Variants in FGF8 observed in about 807,000 individuals in gnomAD.
FGF8 encodes androgen-induced growth factor.
A neutral mutation model predicts 29.7 loss-of-function variants in FGF8; 12 were observed. The ratio of observed to expected loss-of-function variants is 0.40; its 90% CI spans 0.26 to 0.65. The LOEUF (loss-of-function observed/expected upper bound fraction) is 0.65. Among genes scored for constraint, FGF8 ranks in the 30% least tolerant of loss-of-function variants. The pLI, the probability that FGF8 is intolerant of heterozygous loss-of-function variation, is 0.37. For synonymous variants in FGF8, 157 were observed against 144.4 expected, an observed-to-expected ratio of 1.09 and a Z score of -0.63; for missense variants, 271 against 345.1, an observed-to-expected ratio of 0.79 and a Z score of 1.70.
upstream of FGF8, among the ~76,000 whole-genome samples, chr10:101,778,817 G>T (rs951116525): frequency 2.0e-5 from 3 of 152,152 alleles, no homozygotes; most frequent in African/African-American, 7.2e-5. Context: ...TTGCTGGCTC[G>T]CCCGCCTCCC....
Position 101,775,660 on chromosome 10 carries a change from C to G in FGF8, c.69+80G>C. On this transcript the variant is annotated intron_variant, in intron 2 of 5. Coordinates refer to ENST00000320185, the MANE Select transcript of FGF8 (RefSeq NM_033163.5). The surrounding 1 kb of genome is among the most constrained non-coding windows in gnomAD (Gnocchi z 4.6). ...CTCCCGCGCCGGCCGCAGAGTCAGT[C>G]CCGGTGCCCCCGACCGGCGCTGCCC... 1 of 1,488,800 alleles carries G rather than the reference C, an allele frequency of 6.7e-7. No individual in the cohort carries two copies. Among genetic ancestry groups the G allele is most frequent in the Non-Finnish European group, 9.1e-7 (1 of 1,104,950 alleles). 92.2% of individuals were successfully genotyped at this position (1,488,800 alleles called of 1,614,324 possible).
rs1257891978 is a variant in FGF8 at position 101,770,499 on chromosome 10, G to A, written c.565C>T (p.Arg189Cys). 10 of 1,613,544 alleles carry A rather than the reference G, an allele frequency of 6.2e-6. No homozygotes were observed. The highest frequency in any genetic ancestry group is 3.3e-5 in the Admixed American group (2 of 60,006). The change falls in exon 6 of 6, where the codon CGC (arginine) becomes TGC (cysteine). Residue 189 changes from arginine to cysteine, a missense_variant. By Grantham distance (180) the Arg-to-Cys change is radical. Around this residue, in one of 3 missense-constraint regions of FGF8, gnomAD observed 41 missense variants for 80.0 expected, o/e 0.51. Coordinates refer to ENST00000320185, the MANE Select transcript of FGF8 (RefSeq NM_033163.5). ...YMAFTRKGRP[R>C]KGSKTRQHQR... The stretch of plus-strand genomic sequence containing the variant: ...TGCTGCCGCGTCTTGGAGCCCTTGC[G>A]GGGCCGGCCCTTGCGGGTGAAGGCC...
chr10:101,775,711 G>C lies in FGF8; in HGVS notation c.69+29C>G. On this transcript the variant is annotated intron_variant, in intron 2 of 5. Coordinates refer to ENST00000320185, the MANE Select transcript of FGF8 (RefSeq NM_033163.5). This position sits in a 1 kb window ranked among gnomAD's most constrained non-coding sequence, Gnocchi z 4.6. ...ACCCGGGTCTCACACCGGCGCGCCCGGCCCCCGCCTCCGCGCACCCCTCCT... is the reference window on the plus strand; with the variant it reads ...ACCCGGGTCTCACACCGGCGCGCCCCGCCCCCGCCTCCGCGCACCCCTCCT... 6.5e-7 allele frequency: 1 copy of C among 1,541,044 alleles called. No individual in the cohort carries two copies.
chr10:101,779,066 A>G (rs2065120174), upstream of FGF8, among the ~76,000 whole-genome samples: 1 of 151,960 alleles, frequency 6.6e-6, no homozygotes, highest in African/African-American at 2.4e-5. This position sits in a 1 kb window ranked among gnomAD's most constrained non-coding sequence, Gnocchi z 5.7. Context: ...CCTCGCCAAC[A>G]CAAACGGCCC....
At chr10:101,779,619 T>C (rs920698358), upstream of FGF8, among the ~76,000 whole-genome samples, 6 of 147,564 alleles carry the variant, frequency 4.1e-5, no homozygotes, top group African/African-American at 1.5e-4. The surrounding 1 kb of genome is among the most constrained non-coding windows in gnomAD (Gnocchi z 5.7). Flanking sequence ...CCGGGAGACC[T>C]ACCCGGAAAA....
upstream of FGF8, among the ~76,000 whole-genome samples, chr10:101,779,846 G>A (rs1179561767): frequency 1.3e-5 from 2 of 152,234 alleles, no homozygotes; most frequent in African/African-American, 4.8e-5. The surrounding 1 kb of genome is among the most constrained non-coding windows in gnomAD (Gnocchi z 5.7). Context: ...GCCACAGCCA[G>A]ACTTCCCCAC....
Position 101,775,487 on chromosome 10 carries a change from T to C in FGF8, c.69+253A>G, listed in dbSNP as rs1385196937. The C allele has an allele frequency of 1.7e-6, 1 of 604,494 alleles. No individual in the cohort carries two copies. The highest frequency in any genetic ancestry group is 2.0e-5 in the South Asian group (1 of 50,624). The allele number at this position is 604,494 out of a possible 1,614,324, so 37.4% of individuals were successfully genotyped here. On this transcript the variant is annotated intron_variant, in intron 2 of 5. Coordinates refer to ENST00000320185, the MANE Select transcript of FGF8 (RefSeq NM_033163.5). The surrounding 1 kb of genome is among the most constrained non-coding windows in gnomAD (Gnocchi z 4.6). ...TCCCTATGCCCCCAGCCGGCGAGGA[T>C]GCATGGGGGACAGTGCTGGGCTCCG...
At chr10:101,778,719 C>T (rs897936502), upstream of FGF8, among the ~76,000 whole-genome samples, 3 of 152,230 alleles carry the variant, frequency 2.0e-5, no homozygotes, top group East Asian at 1.9e-4. Context: ...GGGGACACCC[C>T]GGGAGCAAGC....
In FGF8 at chr10:101,771,745, C is replaced by G. The variant is rs540529763; in HGVS notation, c.338-176G>C. 4.6e-5 allele frequency among the ~76,000 whole-genome samples: 7 copies of G among 152,174 alleles called. No homozygotes were observed. Among genetic ancestry groups the G allele is most frequent in the East Asian group, 1.9e-4 (1 of 5,192 alleles). On this transcript the variant is annotated intron_variant, in intron 4 of 5. Coordinates refer to ENST00000320185, the MANE Select transcript of FGF8 (RefSeq NM_033163.5). The surrounding 1 kb of genome is among the most constrained non-coding windows in gnomAD (Gnocchi z 5.3). ...CCAGAGAAAGGGCTTTTCTGGACCT[C>G]GGGCCCCACCCCTGGGTTTACAGAG...
chr10:101,770,705 C>T, intron 5 of FGF8, 86 bp from the exon 6 acceptor site: 1 of 1,472,338 alleles, frequency 6.8e-7, no homozygotes, highest in South Asian at 1.1e-5. Context: ...AGGTGGGCAC[C>T]CCAGCAGATG....
At chr10:101,774,053 C>T (rs1322620170) in intron 4 of FGF8, among the ~76,000 whole-genome samples, 1 of 152,234 alleles carries the variant, frequency 6.6e-6, no homozygotes, top group African/African-American at 2.4e-5. Context: ...ACCAGCCGCC[C>T]AGAGGGCTTG....
chr10:101,775,084 A>C lies in FGF8; in HGVS notation c.156+46T>G. ...CATCCCCCACCCACGCAAGTCGGGC[A>C]GACCCAGCCCAGGATGAACGAGCCC... On this transcript the variant is annotated intron_variant, in intron 3 of 5. Coordinates refer to ENST00000320185, the MANE Select transcript of FGF8 (RefSeq NM_033163.5). The surrounding 1 kb of genome is among the most constrained non-coding windows in gnomAD (Gnocchi z 4.6). 6.6e-7 allele frequency: 1 copy of C among 1,521,240 alleles called. No homozygotes were observed. The highest frequency in any genetic ancestry group is 8.9e-7 in the Non-Finnish European group (1 of 1,121,704). 94.2% of individuals were successfully genotyped at this position (1,521,240 alleles called of 1,614,324 possible). A position where few individuals can be genotyped will look rare whatever the true frequency, so the allele number is the denominator to read the frequency against.
intron 4 of FGF8, among the ~76,000 whole-genome samples, chr10:101,773,541 C>G (rs566993302): frequency 6.6e-6 from 1 of 151,856 alleles, no homozygotes; most frequent in African/African-American, 2.4e-5. Context: ...GCAGCTCTCC[C>G]GACCGGGCTT....
chr10:101,779,990 G>T (rs372356686), upstream of FGF8, among the ~76,000 whole-genome samples: 2 of 152,200 alleles, frequency 1.3e-5, no homozygotes, highest in Non-Finnish European at 1.5e-5. This position sits in a 1 kb window ranked among gnomAD's most constrained non-coding sequence, Gnocchi z 5.7. Context: ...CCGGCCCCAC[G>T]GCGCCCGCCC....
At chr10:101,770,655 C>T (rs925767792) in intron 5 of FGF8, 36 bp from the exon 6 acceptor site, 20 of 1,599,714 alleles carry the variant, frequency 1.3e-5, no homozygotes, top group Non-Finnish European at 1.7e-5. Flanking sequence ...CGTTACAGAG[C>T]CCCCCCAGCA....
At chr10:101,776,321 G>T (rs1179859933), upstream of FGF8, among the ~76,000 whole-genome samples, 9 of 147,964 alleles carry the variant, frequency 6.1e-5, no homozygotes, top group African/African-American at 1.7e-4. Flanking sequence ...AGGGGCGGCC[G>T]ACGGGTTCGG....
chr10:101,770,386 C>T lies in FGF8; in HGVS notation c.678G>A (p.Pro226=), dbSNP rs748699731. The change falls in exon 6 of 6, where the codon CCG becomes CCA. Residue 226 remains proline (P), a synonymous_variant. Transcript: ENST00000320185. ...TGCCGCGCAGGCTGCGCGTGAAGGG[C>T]GGGTAGTTGAGGAACTCGAAGCGCA... ...QSLRFEFLNY[P]PFTRSLRGSQ... 47 of 1,604,610 alleles carry T rather than the reference C, an allele frequency of 2.9e-5. No homozygotes were observed. In the Middle Eastern group the frequency reaches 8.9e-4, roughly 30 times the overall value.
Position 101,770,180 on chromosome 10 carries a change from A to C in FGF8, c.*149T>G. The C allele has an allele frequency of 1.6e-6, 1 of 641,266 alleles. No homozygotes were observed. The highest frequency in any genetic ancestry group is 2.9e-5 in the East Asian group (1 of 33,942). 39.7% of individuals were successfully genotyped at this position (641,266 alleles called of 1,614,324 possible). On this transcript the variant is annotated 3_prime_UTR_variant, in exon 6 of 6. Coordinates refer to ENST00000320185, the MANE Select transcript of FGF8 (RefSeq NM_033163.5). ...AAAAAAAAAACAGCAAAAACCCAAC[A>C]GCAAACAATATCAACAACCGGAACC...
chr10:101,779,664 G>C (rs943994287), upstream of FGF8, among the ~76,000 whole-genome samples: 1 of 151,902 alleles, frequency 6.6e-6, no homozygotes, highest in African/African-American at 2.4e-5. The surrounding 1 kb of genome is among the most constrained non-coding windows in gnomAD (Gnocchi z 5.7). Flanking sequence ...CAGTGGCATC[G>C]CGGGGGGTGG....
Sources: gnomAD v4.1 joint callset for allele counts (sites outside exome capture counted in the v4.1 genomes callset) on GRCh38, gnomAD v4.1.1 for gene constraint, gnomAD v4.1.1 regional missense constraint, Gnocchi (gnomAD v3.1) non-coding constraint, MANE v1.5 for transcripts, NCBI Gene and HGNC (gene_info 2026-07-23, HGNC 2026-07-21) for gene names.